CFAP53: variants seen among roughly 807,000 people sequenced by gnomAD.
The protein encoded by CFAP53 is cilia- and flagella-associated protein 53.
In CFAP53, 62 loss-of-function variants were observed where a neutral mutation model predicts 59.7. The ratio of observed to expected loss-of-function variants is 1.04; its 90% CI spans 0.85 to 1.28. CFAP53 has a LOEUF of 1.28. Among genes scored for constraint, CFAP53 ranks in the 50% most tolerant of loss-of-function variants. CFAP53 has a pLI of 0.00. For missense variants in CFAP53, 629 were observed against 615.6 expected (o/e 1.02, Z -0.23); for synonymous variants, 218 against 205.7 (o/e 1.06, Z -0.51).
chr18:50,263,524 A>T (rs2033913284), intron 1 of CFAP53, among the ~76,000 whole-genome samples: 1 of 152,242 alleles, frequency 6.6e-6, no homozygotes, highest in East Asian at 1.9e-4. Context: ...AGGAGACAGA[A>T]GATGATGCTG....
intron 5 of CFAP53, among the ~76,000 whole-genome samples, chr18:50,248,350 C>T (rs552631798): frequency 7.2e-5 from 11 of 152,238 alleles, no homozygotes; most frequent in African/African-American, 2.2e-4. Context: ...TGTGGAGAAA[C>T]TGGATTGCTC....
chr18:50,229,030 G>A (rs1297185864), intron 7 of CFAP53, among the ~76,000 whole-genome samples: 1 of 152,142 alleles, frequency 6.6e-6, no homozygotes, highest in Non-Finnish European at 1.5e-5. Context: ...TGAGGTTTCA[G>A]TGAGCCATGA....
At chr18:50,255,406 C>G (rs1223409654) in intron 3 of CFAP53, among the ~76,000 whole-genome samples, 2 of 152,158 alleles carry the variant, frequency 1.3e-5, no homozygotes, top group East Asian at 3.9e-4. Flanking sequence ...TAAAATGGCA[C>G]AGAACTCTAC....
intron 3 of CFAP53, among the ~76,000 whole-genome samples, chr18:50,255,779 A>C (rs8085254): frequency 0.89 from 135,052 of 151,910 alleles, 60,287 homozygotes; most frequent in East Asian, 0.97. Context: ...TTCATCGTAG[A>C]TTTATTCATA....
intron 4 of CFAP53, among the ~76,000 whole-genome samples, 178 bp from the exon 5 acceptor site, chr18:50,251,154 A>C (rs2033795217): frequency 6.6e-6 from 1 of 152,246 alleles, no homozygotes; most frequent in South Asian, 2.1e-4. Context: ...AAAACTGTGA[A>C]AATTGCCTGG....
chr18:50,254,772 T>C (rs1393722240), intron 3 of CFAP53, among the ~76,000 whole-genome samples: 1 of 152,076 alleles, frequency 6.6e-6, no homozygotes, highest in Admixed American at 6.5e-5. Context: ...ATGCCTGTAA[T>C]CCAAGCTACT....
intron 6 of CFAP53, among the ~76,000 whole-genome samples, 197 bp downstream of exon 6, chr18:50,242,703 C>T (rs375313443): frequency 4.1e-4 from 62 of 152,246 alleles, no homozygotes; most frequent in South Asian, 2.5e-3. Context: ...AACTTCTCCC[C>T]GTGACTGATT....
At chr18:50,261,940 G>A (rs753491332) in intron 2 of CFAP53, 50 bp downstream of exon 2, 12 of 1,436,458 alleles carry the variant, frequency 8.4e-6, no homozygotes, top group Non-Finnish European at 2.9e-6. Context: ...ATCTCAAATT[G>A]TGGTTTTAGG....
Position 50,261,252 on chromosome 18 carries a change from C to CAAAAAAAAAAAAAAAAAAAAAAAA in CFAP53, c.300-16_300-15insTTTTTTTTTTTTTTTTTTTTTTTT, listed in dbSNP as rs71169499. ...GCTCACGTAGCCTGAAACAAAAAGC[C>CAAAAAAAAAAAAAAAAAAAAAAAA]AAAAAAAAAAAAAAAAAAAGAAAAC... On this transcript the variant is annotated splice_polypyrimidine_tract_variant and intron_variant, in intron 2 of 7. Coordinates refer to ENST00000398545, the MANE Select transcript of CFAP53 (RefSeq NM_145020.5). 2.9e-6 allele frequency: 3 copies of CAAAAAAAAAAAAAAAAAAAAAAAA among 1,027,562 alleles called. No individual in the cohort carries two copies. Among genetic ancestry groups the CAAAAAAAAAAAAAAAAAAAAAAAA allele is most frequent in the African/African-American group, 2.0e-5 (1 of 49,338 alleles). The allele number at this position is 1,027,562 out of a possible 1,614,324, so 63.7% of individuals were successfully genotyped here. A position where few individuals can be genotyped will look rare whatever the true frequency, so the allele number is the denominator to read the frequency against.
At chr18:50,256,831 C>T (rs1018324073) in intron 3 of CFAP53, among the ~76,000 whole-genome samples, 5 of 151,340 alleles carry the variant, frequency 3.3e-5, no homozygotes, top group African/African-American at 1.2e-4. Flanking sequence ...ATTTTGAGTG[C>T]TATGAAAAAT....
chr18:50,250,865 C>G lies in CFAP53; in HGVS notation c.889G>C (p.Glu297Gln). ...TCTCTGTATTCCTGCTGAATATGTT[C>G]TATCCTCTCTTGTAGGGCTTTTTGC... ...ILQKALQERI[E>Q]HIQQEYRDEQ... The change falls in exon 5 of 8, where the codon GAA (glutamate) becomes CAA (glutamine). Residue 297 changes from glutamate (E) to glutamine (Q), a missense_variant. Glu to Gln is a conservative substitution (Grantham distance 29, BLOSUM62 2). Coordinates refer to ENST00000398545, the MANE Select transcript of CFAP53 (RefSeq NM_145020.5). 1 of 1,614,204 alleles carries G rather than the reference C, an allele frequency of 6.2e-7. No individual in the cohort carries two copies. Among genetic ancestry groups the G allele is most frequent in the Non-Finnish European group, 8.5e-7 (1 of 1,180,018 alleles).
At chr18:50,240,151 C>T (rs2144409577) in intron 6 of CFAP53, among the ~76,000 whole-genome samples, 1 of 152,082 alleles carries the variant, frequency 6.6e-6, no homozygotes, top group South Asian at 2.1e-4. Context: ...ATCATCTGCC[C>T]CACCCTGACT....
intron 3 of CFAP53, among the ~76,000 whole-genome samples, chr18:50,252,341 T>TG (rs2144424451): frequency 6.6e-6 from 1 of 152,254 alleles, no homozygotes; most frequent in African/African-American, 2.4e-5. Context: ...CCTGATCTTG[T>TG]GATCCGCCCA....
chr18:50,257,148 T>C (rs2033853700), intron 3 of CFAP53, among the ~76,000 whole-genome samples: 1 of 152,076 alleles, frequency 6.6e-6, no homozygotes, highest in Non-Finnish European at 1.5e-5. Context: ...ATGAAATCGA[T>C]GATTTAGGGC....
chr18:50,234,515 A>T (rs912390246), intron 7 of CFAP53, among the ~76,000 whole-genome samples: 4 of 152,192 alleles, frequency 2.6e-5, no homozygotes, highest in African/African-American at 9.7e-5. Context: ...TATGCAAATT[A>T]TACTGGAATC....
chr18:50,262,767 T>G (rs989002756), intron 1 of CFAP53, among the ~76,000 whole-genome samples: 2 of 152,230 alleles, frequency 1.3e-5, no homozygotes, highest in Admixed American at 6.5e-5. Flanking sequence ...TGTGTATATG[T>G]ATATGGATAT....
chr18:50,249,296 T>C (rs1224822712), intron 5 of CFAP53, among the ~76,000 whole-genome samples: 4 of 150,938 alleles, frequency 2.7e-5, no homozygotes, highest in African/African-American at 9.8e-5. Context: ...GGCAGGAGGA[T>C]TACTTGAGCC....
At chr18:50,228,917 T>C (rs535773451) in intron 7 of CFAP53, among the ~76,000 whole-genome samples, 15 of 151,820 alleles carry the variant, frequency 9.9e-5, no homozygotes, top group South Asian at 2.1e-4. Flanking sequence ...CTGGGCAACA[T>C]AGGGAGACCT....
Position 50,227,572 on chromosome 18 carries a change from G to A in CFAP53, c.1354C>T (p.Gln452Ter), listed in dbSNP as rs2033537499. The change falls in exon 8 of 8, where the codon CAG becomes TAG. Residue 452 changes from glutamine to a stop codon, truncating the protein, a stop_gained. Transcript: ENST00000398545. LOFTEE classifies it low-confidence loss of function (END_TRUNC). Reference protein sequence around the residue: ...RLAQEYRKQLQMQIAYQQQSQ... With the variant: ...RLAQEYRKQL ...TGCTGCTGGTAGGCGATTTGCATCT[G>A]AAGTTGCTTCCTGTACTCCTGGGCT... 2 of 1,614,046 alleles carry A rather than the reference G, an allele frequency of 1.2e-6. No individual in the cohort carries two copies. Among genetic ancestry groups the A allele is most frequent in the Non-Finnish European group, 1.7e-6 (2 of 1,180,014 alleles).
Sources: allele counts gnomAD v4.1 joint callset (sites outside exome capture counted in the v4.1 genomes callset), GRCh38; gene constraint gnomAD v4.1.1; transcripts MANE v1.5; gene names NCBI Gene and HGNC (gene_info 2026-07-23, HGNC 2026-07-21).